RNF38: variants seen among roughly 807,000 people sequenced by gnomAD.
The protein encoded by RNF38 is ring finger protein 38, also known as E3 ubiquitin-protein ligase RNF38.
In RNF38, 15 loss-of-function variants were observed where a neutral mutation model predicts 67.2. The observed-to-expected ratio is 0.22, with a 90% CI of 0.15 to 0.34. The LOEUF (loss-of-function observed/expected upper bound fraction) is 0.34, where lower values mean the gene tolerates loss of function less well. Ranked by LOEUF, RNF38 falls within the 10% of genes least tolerant of loss-of-function variation. The probability of loss-of-function intolerance (pLI) is 1.00; values close to 1 mark genes in which losing one functional copy is unlikely to be tolerated. For missense variants in RNF38, 524 were observed against 639.9 expected (o/e 0.82, Z 1.95); for synonymous variants, 220 against 218.8 (o/e 1.01, Z -0.05).
chr9:36,405,820 C>T (rs189731770), upstream of RNF38, among the ~76,000 whole-genome samples: 4 of 152,198 alleles, frequency 2.6e-5, no homozygotes, highest in South Asian at 4.2e-4. Context: ...TGAAGGGTAC[C>T]GTTGCTACAA....
At chr9:36,465,599 C>A (rs180747297) in intron 1 of RNF38, among the ~76,000 whole-genome samples, 1 of 152,104 alleles carries the variant, frequency 6.6e-6, no homozygotes, top group Non-Finnish European at 1.5e-5. Flanking sequence ...CCTGCCTTGG[C>A]GTCCCAAAGT....
At chr9:36,411,919 C>T (rs1838336280) in intron 2 of RNF38, among the ~76,000 whole-genome samples, 1 of 152,090 alleles carries the variant, frequency 6.6e-6, no homozygotes, top group South Asian at 2.1e-4. Flanking sequence ...GTGATATATG[C>T]TACAACATGG....
intron 2 of RNF38, among the ~76,000 whole-genome samples, chr9:36,386,393 C>T (rs1293853150): frequency 6.6e-6 from 1 of 152,180 alleles, no homozygotes; most frequent in Non-Finnish European, 1.5e-5. Flanking sequence ...TACAAATTTG[C>T]TAGAATATAG....
chr9:36,365,483 G>A (rs1463875175), intron 4 of RNF38, among the ~76,000 whole-genome samples: 1 of 151,900 alleles, frequency 6.6e-6, no homozygotes, highest in Non-Finnish European at 1.5e-5. Context: ...CAGGAGAATC[G>A]CTTGAAATGG....
intron 9 of RNF38, among the ~76,000 whole-genome samples, chr9:36,346,358 T>G (rs1238444046): frequency 6.6e-6 from 1 of 152,074 alleles, no homozygotes; most frequent in African/African-American, 2.4e-5. Context: ...ATTTTTTGTA[T>G]TTTTTATTTT....
intron 1 of RNF38, among the ~76,000 whole-genome samples, chr9:36,483,144 T>G (rs1049033756): frequency 2.6e-5 from 4 of 152,140 alleles, no homozygotes; most frequent in African/African-American, 9.7e-5. Context: ...CCCAACACTT[T>G]GGAAGGCCGA....
At position 36,343,989 on chromosome 9, in the gene RNF38, C is replaced by CA. The variant is rs553114327; in HGVS notation, c.1385+842dup. Among the ~76,000 whole-genome samples the CA allele has an allele frequency of 4.8e-3, 734 of 152,180 alleles. 5 individuals carry two copies. The highest frequency in any genetic ancestry group is 5.3e-3 in the Non-Finnish European group (363 of 67,996). ...ATAGTTACACAGCTCTATGAATATA[C>CA]AAAAAACCACTGAATTGTACTTTTT... is the stretch of plus-strand genomic sequence containing the variant. On this transcript the variant is annotated intron_variant, in intron 10 of 11. Coordinates refer to ENST00000259605, the MANE Select transcript of RNF38 (RefSeq NM_022781.5).
At chr9:36,401,173 CCT>C (rs1012675857), upstream of RNF38, 62 of 984,914 alleles carry the variant, frequency 6.3e-5, no homozygotes, top group South Asian at 2.4e-3. Flanking sequence ...CGCCGAACCC[CCT>C]TTGTTTCCAC....
chr9:36,415,143 A>G (rs1434797594), intron 2 of RNF38, among the ~76,000 whole-genome samples: 7 of 152,296 alleles, frequency 4.6e-5, no homozygotes, highest in Non-Finnish European at 4.4e-5. Flanking sequence ...AAGTTTTCCA[A>G]ATTTTTAGAT....
rs1837890654 is a variant in RNF38, at chr9:36,400,104, G to A, written c.5C>T (p.Ala2Val). M[A>V]CKISPGANSA... is the part of the protein sequence containing the mutation. ...CAAAGAAAAATACTTTACCTTACAA[G>A]CCATACAGACGTAAACAAAAACTTT... The change falls in exon 1 of 12, where the codon GCT becomes GTT. Residue 2 changes from alanine to valine, a missense_variant. Physicochemically the swap from Ala to Val is moderately conservative, Grantham distance 64. Around this residue, in one of 2 missense-constraint regions of RNF38, gnomAD observed 461 missense variants for 517.4 expected, o/e 0.89. Transcript: ENST00000259605. 6.2e-7 allele frequency: 1 copy of A among 1,612,344 alleles called. No homozygotes were observed. Among genetic ancestry groups the A allele is most frequent in the Non-Finnish European group, 8.5e-7 (1 of 1,179,068 alleles).
chr9:36,436,565 T>C (rs974755392), intron 1 of RNF38, among the ~76,000 whole-genome samples: 3 of 152,156 alleles, frequency 2.0e-5, no homozygotes, highest in Non-Finnish European at 4.4e-5. Flanking sequence ...GGCTCACACC[T>C]GTAATCCCAG....
rs1359094415 is a variant in RNF38, at chr9:36,423,777, G to A, written n.312+836C>T. On this transcript the variant is annotated intron_variant and non_coding_transcript_variant, in intron 2 of 3. Transcript: ENST00000488058. ...ATCCTGGCTAACACGGTGAAACCCC[G>A]TCTCTACTAAAAATACAAAAAATTA... Among the ~76,000 whole-genome samples the A allele has an allele frequency of 3.5e-5, 2 of 57,166 alleles. 1 individual carries two copies. Among genetic ancestry groups the A allele is most frequent in the African/African-American group, 1.2e-4 (2 of 16,710 alleles). 37.5% of individuals were successfully genotyped at this position (57,166 alleles called of 152,430 possible).
intron 1 of RNF38, among the ~76,000 whole-genome samples, chr9:36,428,628 T>C (rs746913969): frequency 1.1e-4 from 17 of 152,072 alleles, no homozygotes; most frequent in East Asian, 1.9e-4. Context: ...CATAAAGACT[T>C]TGAGTAACAG....
chr9:36,485,678 C>T (rs1287255514), intron 1 of RNF38, among the ~76,000 whole-genome samples: 1 of 152,174 alleles, frequency 6.6e-6, no homozygotes, highest in Non-Finnish European at 1.5e-5. Flanking sequence ...TCCCAAAGCA[C>T]CCTGCCAACA....
At chr9:36,373,065 G>C (rs1835503438) in intron 3 of RNF38, among the ~76,000 whole-genome samples, 2 of 152,060 alleles carry the variant, frequency 1.3e-5, no homozygotes, top group Non-Finnish European at 2.9e-5. Flanking sequence ...ACATTAGCTG[G>C]GTGTTGTGGC....
chr9:36,446,341 G>C (rs772645969), intron 1 of RNF38, among the ~76,000 whole-genome samples: 3 of 152,180 alleles, frequency 2.0e-5, no homozygotes, highest in Non-Finnish European at 4.4e-5. Context: ...CCAACAATCT[G>C]TAAGAGTTGA....
At chr9:36,361,115 C>T (rs1182778541) in intron 4 of RNF38, among the ~76,000 whole-genome samples, 5 of 152,012 alleles carry the variant, frequency 3.3e-5, no homozygotes, top group Admixed American at 3.3e-4. Context: ...CCGCGCTTGG[C>T]CAAGTACCAT....
chr9:36,400,073 G>C (rs374161733), intron 1 of RNF38, 24 bp downstream of exon 1: 4 of 1,606,280 alleles, frequency 2.5e-6, no homozygotes, highest in African/African-American at 1.3e-5. Flanking sequence ...TATCATTTTT[G>C]CAACACAAAG....
intron 1 of RNF38, among the ~76,000 whole-genome samples, chr9:36,434,249 A>C (rs956242421): frequency 5.9e-4 from 39 of 66,070 alleles, no homozygotes; most frequent in Non-Finnish European, 9.8e-4. Context: ...AGGGGAAGGG[A>C]GGGGAGGGGA....
Sources: allele counts gnomAD v4.1 joint callset (sites outside exome capture counted in the v4.1 genomes callset), GRCh38; gene constraint gnomAD v4.1.1; regional missense constraint gnomAD v4.1.1; transcripts MANE v1.5; gene names NCBI Gene and HGNC (gene_info 2026-07-23, HGNC 2026-07-21).